KCTD1: variants seen among roughly 807,000 people sequenced by gnomAD.
KCTD1 encodes the protein BTB/POZ domain-containing protein KCTD1.
A neutral mutation model predicts 66.0 loss-of-function variants in KCTD1; 24 were observed. The observed-to-expected ratio is 0.36, with a 90% confidence interval of 0.26 to 0.51. The LOEUF is 0.51. KCTD1 is among the 20% of genes least tolerant of loss of function. The pLI is 0.95. For missense variants in KCTD1, 943 were observed against 1,205.2 expected, an observed-to-expected ratio of 0.78 and a Z score of 3.22; for synonymous variants, 511 against 517.2, an observed-to-expected ratio of 0.99 and a Z score of 0.16.
chr18:26,635,068 T>C (rs2145052713), intron 1 of KCTD1, among the ~76,000 whole-genome samples: 1 of 152,384 alleles, frequency 6.6e-6, no homozygotes, highest in East Asian at 1.9e-4. Flanking sequence ...CCTTGGAACC[T>C]TGTCTTTATT....
At chr18:26,460,281 C>A (rs1047544971) in intron 3 of KCTD1, among the ~76,000 whole-genome samples, 2 of 152,182 alleles carry the variant, frequency 1.3e-5, no homozygotes, top group East Asian at 1.9e-4. Context: ...AGACTTGTTT[C>A]TTTTAGTAGA....
intron 1 of KCTD1, among the ~76,000 whole-genome samples, chr18:26,587,430 T>C (rs972784896): frequency 2.0e-5 from 3 of 152,238 alleles, no homozygotes; most frequent in Admixed American, 2.0e-4. Flanking sequence ...GAGAGATTAA[T>C]GTTGTTTTCA....
chr18:26,530,436 C>T (rs1347158810), intron 1 of KCTD1, among the ~76,000 whole-genome samples: 1 of 152,084 alleles, frequency 6.6e-6, no homozygotes, highest in Non-Finnish European at 1.5e-5. Flanking sequence ...CATATAGACC[C>T]GAAACACGGA....
rs1212136467 is a variant in KCTD1, at chr18:26,547,956, G to C, written c.581C>G (p.Pro194Arg). ...CCCCTTGTCCATGGTCTCGAAGTCC[G>C]GGCTCTGCGCCTTCTCGCTCAGGTA... The part of the protein sequence containing the change: ...REYLSEKAQS[P>R]DFETMDKGAL... Residue 194 changes from proline (P) to arginine (R), a missense_variant, in exon 1 of 5, where the codon CCG becomes CGG. Transcript: ENST00000580059. 1.9e-6 allele frequency: 3 copies of C among 1,542,200 alleles called. No individual in the cohort carries two copies. Among genetic ancestry groups the C allele is most frequent in the South Asian group, 1.2e-5 (1 of 84,038 alleles).
chr18:26,493,807 A>G (rs567057469), intron 2 of KCTD1, among the ~76,000 whole-genome samples: 4 of 152,288 alleles, frequency 2.6e-5, no homozygotes, highest in South Asian at 4.2e-4. Context: ...CGTTCTTTCT[A>G]GATACTTTCT....
At chr18:26,535,394 G>A (rs947794949) in intron 1 of KCTD1, among the ~76,000 whole-genome samples, 9 of 152,066 alleles carry the variant, frequency 5.9e-5, no homozygotes, top group African/African-American at 1.9e-4. Context: ...CCCAGCGAGC[G>A]TCAGACCCCC....
intron 2 of KCTD1, among the ~76,000 whole-genome samples, chr18:26,500,474 T>A (rs1453285266): frequency 6.6e-6 from 1 of 152,038 alleles, no homozygotes; most frequent in South Asian, 2.1e-4. Context: ...GGAGGAGATA[T>A]CTCATAAACA....
rs1277356164 is a variant in KCTD1 at position 26,577,556 on chromosome 18, TA to T, written c.-16+51590del. Reference sequence around the variant, plus strand: ...GAGCATTTCTTAATTTTTTTTTTTTTAGACTTTTTAGACAAGTTTTTGCTCT... The same window carrying T: ...GAGCATTTCTTAATTTTTTTTTTTTTGACTTTTTAGACAAGTTTTTGCTCT... On this transcript the variant is annotated intron_variant, in intron 1 of 4. Transcript: ENST00000317932. 5.7e-4 allele frequency among the ~76,000 whole-genome samples: 84 copies of T among 148,006 alleles called. 1 individual carries two copies. The East Asian group carries it at 0.013, about 22-fold the overall frequency.
At chr18:26,535,523 G>A (rs906287033) in intron 1 of KCTD1, among the ~76,000 whole-genome samples, 3 of 151,664 alleles carry the variant, frequency 2.0e-5, no homozygotes, top group African/African-American at 7.3e-5. Context: ...CTGATGTCTC[G>A]GGTGTACACT....
In KCTD1 at chr18:26,566,735, G is replaced by A. The variant is rs935843406; in HGVS notation, c.-16+62412C>T. The A allele has an allele frequency of 2.0e-5, 3 of 151,220 alleles. No homozygotes were observed. The Admixed American group carries it at 2.0e-4, about 10-fold the overall frequency. The allele number at this position is 151,220 out of a possible 1,614,324, so 9.4% of individuals were successfully genotyped here. A position where few individuals can be genotyped will look rare whatever the true frequency, so the allele number is the denominator to read the frequency against. Reference sequence around the variant, plus strand: ...TTCAACTTGATTCTACAGGCTCTGCGGTCTCATCCCAAAGTCACAGCCCAC... The same window carrying A: ...TTCAACTTGATTCTACAGGCTCTGCAGTCTCATCCCAAAGTCACAGCCCAC... On this transcript the variant is annotated intron_variant, in intron 1 of 4. Coordinates refer to the KCTD1 transcript ENST00000317932.
At chr18:26,541,301 A>T (rs1984962593) in intron 1 of KCTD1, among the ~76,000 whole-genome samples, 1 of 152,218 alleles carries the variant, frequency 6.6e-6, no homozygotes, top group East Asian at 1.9e-4. Context: ...AAATGTTAAA[A>T]GCTAGCCCAA....
chr18:26,478,304 T>C (rs1194556365), intron 2 of KCTD1, among the ~76,000 whole-genome samples: 1 of 152,224 alleles, frequency 6.6e-6, no homozygotes, highest in Non-Finnish European at 1.5e-5. Context: ...AAAAGATGAT[T>C]AACTTGCCCA....
chr18:26,623,160 A>G (rs1447534978), intron 1 of KCTD1, among the ~76,000 whole-genome samples: 1 of 151,828 alleles, frequency 6.6e-6, no homozygotes, highest in Non-Finnish European at 1.5e-5. Context: ...CCTCCTACCC[A>G]CTACCCGCCC....
chr18:26,594,327 A>G (rs2144955314), intron 1 of KCTD1, among the ~76,000 whole-genome samples: 1 of 152,364 alleles, frequency 6.6e-6, no homozygotes, highest in East Asian at 1.9e-4. Flanking sequence ...ATTTAGTAAT[A>G]TAGGTAAACT....
intron 1 of KCTD1, among the ~76,000 whole-genome samples, chr18:26,584,100 T>C (rs921134154): frequency 1.3e-5 from 2 of 152,210 alleles, no homozygotes; most frequent in Non-Finnish European, 2.9e-5. Flanking sequence ...AGTCATTTCT[T>C]ATATGAAAGA....
At chr18:26,482,898 G>A (rs1007795955) in intron 2 of KCTD1, among the ~76,000 whole-genome samples, 3 of 152,318 alleles carry the variant, frequency 2.0e-5, no homozygotes, top group East Asian at 1.9e-4. Context: ...TGAGGATGGC[G>A]AGAAAAGGGA....
intron 2 of KCTD1, among the ~76,000 whole-genome samples, chr18:26,493,680 C>T (rs913441006): frequency 6.6e-6 from 1 of 152,128 alleles, no homozygotes; most frequent in Non-Finnish European, 1.5e-5. Context: ...TCCCCTCGAG[C>T]ATTTATCCTT....
intron 1 of KCTD1, among the ~76,000 whole-genome samples, chr18:26,522,876 T>C (rs556178967): frequency 5.9e-5 from 9 of 152,282 alleles, no homozygotes; most frequent in African/African-American, 1.7e-4. Flanking sequence ...TTCAGTAATT[T>C]GGTCAAGTCA....
At position 26,548,439 on chromosome 18, in the gene KCTD1, T is replaced by C. The variant is rs1031815854; in HGVS notation, c.98A>G (p.Glu33Gly). The C allele has an allele frequency of 1.5e-6, 2 of 1,375,894 alleles. No individual in the cohort carries two copies. The highest frequency in any genetic ancestry group is 1.9e-6 in the Non-Finnish European group (2 of 1,067,220). 85.2% of individuals were successfully genotyped at this position (1,375,894 alleles called of 1,614,324 possible). The stretch of plus-strand genomic sequence containing the variant: ...GCGGCCCCCCGCGCCGCGCTCGCCC[T>C]CGCCCCGCTCCCCATTGTTCTCGGC... Reference protein sequence around the residue: ...AAAENNGERGEGERGAGGRGR... With the variant: ...AAAENNGERGGGERGAGGRGR... The change falls in exon 1 of 5, where the codon GAG (glutamate) becomes GGG (glycine). Residue 33 changes from glutamate to glycine, a missense_variant. Physicochemically the swap from Glu to Gly is moderately conservative, Grantham distance 98. Coordinates refer to ENST00000580059, the MANE Select transcript of KCTD1 (RefSeq NM_001142730.3).
Sources: allele counts gnomAD v4.1 joint callset (sites outside exome capture counted in the v4.1 genomes callset), GRCh38; gene constraint gnomAD v4.1.1; transcripts MANE v1.5; gene names NCBI Gene and HGNC (gene_info 2026-07-23, HGNC 2026-07-21).